Variants in PKD1L1 observed in about 807,000 individuals in gnomAD.
The protein encoded by PKD1L1 is polycystin 1 like 1, transient receptor potential channel interacting.
Under a neutral mutation model 323.4 loss-of-function variants are expected in PKD1L1, and 236 were observed. The observed-to-expected ratio is 0.73, with a 90% CI of 0.66 to 0.81. PKD1L1 has a LOEUF of 0.81. Among genes scored for constraint, PKD1L1 ranks in the 40% least tolerant of loss-of-function variants. The pLI, the probability that PKD1L1 is intolerant of heterozygous loss-of-function variation, is 0.00. For missense variants in PKD1L1, 3,320 were observed against 3,508.0 expected, an observed-to-expected ratio of 0.95 and a Z score of 1.35; for synonymous variants, 1,344 against 1,335.0, an observed-to-expected ratio of 1.01 and a Z score of -0.15.
chr7:47,835,126 C>T lies in PKD1L1; in HGVS notation c.6054+7G>A, dbSNP rs746882103. 3.1e-6 allele frequency: 5 copies of T among 1,601,266 alleles called. No homozygotes were observed. The South Asian group carries it at 4.4e-5, about 14-fold the overall frequency. On this transcript the variant is annotated splice_region_variant and intron_variant, in intron 38 of 56. Transcript: ENST00000289672. ...AGAACAGGGCCATGAGGACAAGTCG[C>T]AGGTACCTTGCTGAGCCTGAAGAGC...
At chr7:47,778,117 A>T (rs80207939) in intron 56 of PKD1L1, among the ~76,000 whole-genome samples, 1 of 152,186 alleles carries the variant, frequency 6.6e-6, no homozygotes, top group Non-Finnish European at 1.5e-5. Context: ...AAGAAGTACA[A>T]ACAAGGCCAG....
chr7:47,828,685 C>T (rs369804946), intron 44 of PKD1L1, among the ~76,000 whole-genome samples: 5 of 152,178 alleles, frequency 3.3e-5, no homozygotes, highest in South Asian at 4.1e-4. Flanking sequence ...AGCCTGTGTG[C>T]ACCACCCATC....
intron 26 of PKD1L1, among the ~76,000 whole-genome samples, chr7:47,863,360 T>G (rs967311368): frequency 3.3e-5 from 5 of 151,838 alleles, no homozygotes; most frequent in African/African-American, 1.2e-4. Flanking sequence ...AGCTTTGGGT[T>G]GGAGGTGTGG....
intron 7 of PKD1L1, among the ~76,000 whole-genome samples, chr7:47,928,077 A>T (rs1787688329): frequency 6.6e-6 from 1 of 152,228 alleles, no homozygotes; most frequent in Non-Finnish European, 1.5e-5. Flanking sequence ...GGAGTGGGAT[A>T]CTGTGTGTGG....
At chr7:47,866,323 A>G in intron 25 of PKD1L1, 96 bp downstream of exon 25, 2 of 1,342,368 alleles carry the variant, frequency 1.5e-6, no homozygotes, top group Admixed American at 2.3e-5. Context: ...CCTGTGTTTC[A>G]TAAGCATGAC....
chr7:47,929,478 T>A lies in PKD1L1; in HGVS notation c.786A>T (p.Ala262=), dbSNP rs781044180. 3 of 1,614,026 alleles carry A rather than the reference T, an allele frequency of 1.9e-6. No individual in the cohort carries two copies. The highest frequency in any genetic ancestry group is 1.1e-5 in the South Asian group (1 of 91,088). ...AGAGGATCTCAGAACCAGACTGCGA[T>A]GCCGTGAAGCTGGGGGTGCGAGGAA... ...PGIPRTPSFT[A]SQSGSEILYP... is the part of the protein sequence containing the mutation. The change falls in exon 7 of 57, where the codon GCA becomes GCT. Residue 262 remains alanine (A), a synonymous_variant. Transcript: ENST00000289672.
intron 1 of PKD1L1, among the ~76,000 whole-genome samples, chr7:47,947,014 A>C (rs2128760118): frequency 6.6e-6 from 1 of 152,360 alleles, no homozygotes; most frequent in Non-Finnish European, 1.5e-5. Context: ...AATTGGGCCA[A>C]CATCAAGGCT....
At chr7:47,828,076 T>C (rs1027315518) in intron 44 of PKD1L1, among the ~76,000 whole-genome samples, 1 of 152,146 alleles carries the variant, frequency 6.6e-6, no homozygotes, top group Non-Finnish European at 1.5e-5. Flanking sequence ...AGCAGGAATG[T>C]GAACAATATA....
chr7:47,904,456 G>A lies in PKD1L1; in HGVS notation c.1853C>T (p.Thr618Ile), dbSNP rs1282013557. 1.2e-6 allele frequency: 2 copies of A among 1,614,194 alleles called. No individual in the cohort carries two copies. The highest frequency in any genetic ancestry group is 2.2e-5 in the East Asian group (1 of 44,878). The change falls in exon 12 of 57, where the codon ACA becomes ATA. Residue 618 changes from threonine (T) to isoleucine (I), a missense_variant. By Grantham distance (89) the Thr-to-Ile change is moderately conservative. Coordinates refer to ENST00000289672, the MANE Select transcript of PKD1L1 (RefSeq NM_138295.5). ...AAAGTCCCACAGGTAGGCAACATCT[G>A]TGCCGAAGTTGATCCAGCACTCAAA... ...VAFECWINFGTDVAYLWDFGD... is the reference protein window; with the variant it reads ...VAFECWINFGIDVAYLWDFGD...
At chr7:47,878,703 A>G (rs896208110) in intron 21 of PKD1L1, among the ~76,000 whole-genome samples, 1 of 152,190 alleles carries the variant, frequency 6.6e-6, no homozygotes, top group Non-Finnish European at 1.5e-5. Context: ...TTAGGAAGGG[A>G]TGTGGGGAAA....
At chr7:47,781,002 C>G (rs1260669651) in intron 56 of PKD1L1, among the ~76,000 whole-genome samples, 1 of 152,176 alleles carries the variant, frequency 6.6e-6, no homozygotes, top group Non-Finnish European at 1.5e-5. Context: ...GTTGCTGTAC[C>G]ATTTTACATT....
Position 47,812,056 on chromosome 7 carries a change from A to G in PKD1L1, c.7347-5T>C, listed in dbSNP as rs73103467. 0.12 allele frequency: 193,674 copies of G among 1,554,732 alleles called. 13,165 individuals carry two copies. The highest frequency in any genetic ancestry group is 0.23 in the African/African-American group (16,561 of 73,234). Reference sequence around the variant, plus strand: ...AGGGCTGTGTGGGCTTCAGTCCTGTAAAACAGCACACACTGGGGTAGGGCA... The same window carrying G: ...AGGGCTGTGTGGGCTTCAGTCCTGTGAAACAGCACACACTGGGGTAGGGCA... On this transcript the variant is annotated splice_region_variant and splice_polypyrimidine_tract_variant and intron_variant, in intron 49 of 56. Coordinates refer to ENST00000289672, the MANE Select transcript of PKD1L1 (RefSeq NM_138295.5).
chr7:47,874,544 G>A (rs1786361888), intron 23 of PKD1L1, among the ~76,000 whole-genome samples: 1 of 152,198 alleles, frequency 6.6e-6, no homozygotes, highest in Non-Finnish European at 1.5e-5. Flanking sequence ...TTCTCAAGAT[G>A]TGGTCTATGG....
chr7:47,927,117 A>C (rs1787668919), intron 7 of PKD1L1, among the ~76,000 whole-genome samples: 1 of 152,190 alleles, frequency 6.6e-6, no homozygotes, highest in Non-Finnish European at 1.5e-5. Context: ...ACTCAGAGTA[A>C]GGAAAAAATT....
chr7:47,881,776 A>G, intron 20 of PKD1L1, 133 bp downstream of exon 20: 1 of 878,368 alleles, frequency 1.1e-6, no homozygotes. Flanking sequence ...TAGAAGAACA[A>G]GCACAAGTAG....
intron 22 of PKD1L1, 74 bp downstream of exon 22, chr7:47,877,415 C>T (rs1583640396): frequency 1.3e-6 from 2 of 1,571,954 alleles, no homozygotes; most frequent in Non-Finnish European, 1.7e-6. Context: ...ATTCCTACAG[C>T]ACCCGTGACT....
At position 47,837,826 on chromosome 7, in the gene PKD1L1, T is replaced by C. The variant is rs183786295; in HGVS notation, c.5770-732A>G. 3.6e-3 allele frequency among the ~76,000 whole-genome samples: 545 copies of C among 152,194 alleles called. 2 individuals are homozygous for C. The highest frequency in any genetic ancestry group is 0.01 in the Middle Eastern group (3 of 294). On this transcript the variant is annotated intron_variant, in intron 36 of 56. Transcript: ENST00000289672. ...TTGTTCTAGAAAAAACAAAAGTATA[T>C]ACAGAACTGCTCTTATGGAATATGA...
upstream of PKD1L1, among the ~76,000 whole-genome samples, chr7:47,952,301 G>A (rs1000565981): frequency 7.9e-5 from 12 of 152,156 alleles, no homozygotes; most frequent in African/African-American, 2.9e-4. Context: ...GCAAGGCTGC[G>A]ATCAGCCCCC....
intron 24 of PKD1L1, among the ~76,000 whole-genome samples, chr7:47,867,101 G>A (rs1426415305): frequency 6.6e-6 from 1 of 152,214 alleles, no homozygotes; most frequent in Non-Finnish European, 1.5e-5. Context: ...TGCTGTATGA[G>A]CACAAGAGTA....
Sources: allele counts gnomAD v4.1 joint callset (sites outside exome capture counted in the v4.1 genomes callset), GRCh38; gene constraint gnomAD v4.1.1; transcripts MANE v1.5; gene names NCBI Gene and HGNC (gene_info 2026-07-23, HGNC 2026-07-21).